Variants in PCDHA5 observed in about 807,000 individuals in gnomAD.
PCDHA5 encodes the protein protocadherin alpha-5.
A neutral mutation model predicts 61.6 loss-of-function variants in PCDHA5; 43 were observed. The ratio of observed to expected loss-of-function variants is 0.70; its 90% CI spans 0.55 to 0.90. PCDHA5 has a LOEUF of 0.90. PCDHA5 is among the 40% of genes least tolerant of loss of function. PCDHA5 has a pLI of 0.00. For synonymous variants in PCDHA5, 627 were observed against 543.9 expected (o/e 1.15, Z -2.13); for missense variants, 1,298 against 1,222.7 (o/e 1.06, Z -0.92).
At chr5:140,877,155 C>T in intron 1 of PCDHA5, 2 of 1,613,798 alleles carry the variant, frequency 1.2e-6, no homozygotes, top group Non-Finnish European at 1.7e-6. Context: ...AGAACGACAA[C>T]GCGCCGGCAC....
chr5:140,824,610 GT>G (rs2150135229), intron 1 of PCDHA5: 1,308 of 95,098 alleles, frequency 0.014, 8 homozygotes, highest in East Asian at 0.019. Flanking sequence ...GCTAATTAAA[GT>G]TTTTTTTTTT....
chr5:140,842,458 A>C (rs1777969478), intron 1 of PCDHA5: 1 of 1,613,788 alleles, frequency 6.2e-7, no homozygotes, highest in South Asian at 1.1e-5. Context: ...ACCTCGATTC[A>C]GGTGCCAACG....
At chr5:140,875,835 G>A in intron 1 of PCDHA5, 1 of 1,614,196 alleles carries the variant, frequency 6.2e-7, no homozygotes, top group East Asian at 2.2e-5. Context: ...ATGTGGACGT[G>A]GAGGTGAAGG....
At chr5:140,882,153 AAT>A in intron 1 of PCDHA5, 1 of 1,505,320 alleles carries the variant, frequency 6.6e-7, no homozygotes, top group South Asian at 1.4e-5. Context: ...CAGAAAGCGG[AAT>A]ACCTCTTGCG....
chr5:140,918,210 A>T (rs2078574076), intron 1 of PCDHA5, among the ~76,000 whole-genome samples: 1 of 152,152 alleles, frequency 6.6e-6, no homozygotes, highest in Non-Finnish European at 1.5e-5. Context: ...TTGTTGGTGT[A>T]CAGAAATGCT....
chr5:140,830,552 G>A (rs1771127329), intron 1 of PCDHA5: 2 of 1,081,316 alleles, frequency 1.8e-6, no homozygotes, highest in African/African-American at 3.3e-5. Context: ...CCTCATATTT[G>A]TCTTCTATAT....
intron 1 of PCDHA5, chr5:140,878,055 C>T: frequency 2.2e-6 from 1 of 449,762 alleles, no homozygotes; most frequent in Non-Finnish European, 3.6e-6. Context: ...GAGCACCACA[C>T]TTAATATTTT....
chr5:141,011,890 A>G lies in PCDHA5; in HGVS notation c.*1953A>G, dbSNP rs7701616. 0.061 allele frequency: 9,307 copies of G among 153,488 alleles called. 355 individuals carry two copies. The highest frequency in any genetic ancestry group is 0.11 in the South Asian group (541 of 4,828). The allele number at this position is 153,488 out of a possible 1,614,324, so 9.5% of individuals were successfully genotyped here. On this transcript the variant is annotated 3_prime_UTR_variant, in exon 4 of 4. Coordinates refer to ENST00000529859, the MANE Select transcript of PCDHA5 (RefSeq NM_018908.3). ...GTACAATTTAGAAGTTTGATTAATT[A>G]TATTATCTATTTAGGCATTAATATA... is the stretch of plus-strand genomic sequence containing the variant.
At chr5:140,862,203 C>G (rs1481623018) in intron 1 of PCDHA5, 1 of 175,658 alleles carries the variant, frequency 5.7e-6, no homozygotes, top group Non-Finnish European at 1.2e-5. Context: ...AATGTTTGAT[C>G]ACTGCACAGA....
At chr5:140,844,210 G>A (rs2150369516) in intron 1 of PCDHA5, among the ~76,000 whole-genome samples, 22 of 149,554 alleles carry the variant, frequency 1.5e-4, no homozygotes, top group African/African-American at 5.4e-4. Context: ...GTGTCTGGTA[G>A]TCACAAATAT....
intron 1 of PCDHA5, chr5:140,849,320 G>A (rs1562454724): frequency 1.5e-6 from 2 of 1,335,992 alleles, no homozygotes; most frequent in East Asian, 2.4e-5. Context: ...GCTTGAATGG[G>A]GATATTATTT....
chr5:141,009,330 G>A (rs1355837607), intron 3 of PCDHA5, among the ~76,000 whole-genome samples: 2 of 152,192 alleles, frequency 1.3e-5, no homozygotes, highest in African/African-American at 2.4e-5. Context: ...ATGGGAGCTT[G>A]TGCCTGTAGT....
chr5:140,850,275 G>T, intron 1 of PCDHA5: 1 of 1,595,466 alleles, frequency 6.3e-7, no homozygotes, highest in East Asian at 2.2e-5. Flanking sequence ...GGTGGGGAAG[G>T]TGCGCGCAGT....
At chr5:140,997,986 A>C (rs1554256110) in intron 3 of PCDHA5, among the ~76,000 whole-genome samples, 2 of 152,186 alleles carry the variant, frequency 1.3e-5, no homozygotes, top group African/African-American at 4.8e-5. Flanking sequence ...CACTTGTTAC[A>C]TACTTCCCTC....
At chr5:140,999,837 A>T (rs2097878885) in intron 3 of PCDHA5, among the ~76,000 whole-genome samples, 1 of 152,206 alleles carries the variant, frequency 6.6e-6, no homozygotes, top group Non-Finnish European at 1.5e-5. Context: ...AAATATGCCA[A>T]GTGTATTTAT....
chr5:140,857,659 C>G lies in PCDHA5; in HGVS notation c.2352+33532C>G, dbSNP rs200404988. On this transcript the variant is annotated intron_variant, in intron 1 of 3. Transcript: ENST00000529859. ...TGCTACAGTTCCAGGTGAGCGCGCG[C>G]GATGGGGGCGTGCCGCCTCTGGGCA... is the stretch of plus-strand genomic sequence containing the variant. 3.8e-6 allele frequency: 6 copies of G among 1,596,596 alleles called. No individual in the cohort carries two copies. In the Admixed American group the frequency reaches 8.4e-5, roughly 22 times the overall value.
At chr5:140,949,203 T>C (rs879971307) in intron 1 of PCDHA5, among the ~76,000 whole-genome samples, 13 of 151,790 alleles carry the variant, frequency 8.6e-5, no homozygotes, top group East Asian at 1.9e-4. Flanking sequence ...TTCAGTCTTT[T>C]AAAAATCTGT....
At chr5:140,841,797 A>T in intron 1 of PCDHA5, 1 of 1,613,936 alleles carries the variant, frequency 6.2e-7, no homozygotes, top group Non-Finnish European at 8.5e-7. Flanking sequence ...GGCGCGTCCG[A>T]TGCAGATGTT....
At chr5:140,965,113 G>C (rs1343720863) in intron 1 of PCDHA5, among the ~76,000 whole-genome samples, 1 of 152,218 alleles carries the variant, frequency 6.6e-6, no homozygotes, top group Non-Finnish European at 1.5e-5. Context: ...ATGACCCATA[G>C]AGGAAGATCT....
Sources: allele counts gnomAD v4.1 joint callset (sites outside exome capture counted in the v4.1 genomes callset), GRCh38; gene constraint gnomAD v4.1.1; transcripts MANE v1.5; gene names NCBI Gene and HGNC (gene_info 2026-07-23, HGNC 2026-07-21).